The following DCHS2 variants were observed in gnomAD, a reference collection of about 807,000 sequenced individuals.
DCHS2 encodes dachsous cadherin-related 2, also known as protocadherin-23.
DCHS2 carries 142 observed loss-of-function variants against 182.4 expected under a neutral mutation model. The observed-to-expected ratio is 0.78, with a 90% CI of 0.68 to 0.89. The LOEUF is 0.89. Ranked by LOEUF, DCHS2 falls within the 40% of genes least tolerant of loss-of-function variation. The pLI is 0.00. For missense variants in DCHS2, 4,319 were observed against 4,198.6 expected, an observed-to-expected ratio of 1.03 and a Z score of -0.79; for synonymous variants, 1,740 against 1,663.3, an observed-to-expected ratio of 1.05 and a Z score of -1.12.
intron 1 of DCHS2, among the ~76,000 whole-genome samples, chr4:154,415,470 G>T (rs1230765223): frequency 6.6e-6 from 1 of 152,132 alleles, no homozygotes; most frequent in African/African-American, 2.4e-5. Context: ...TTACTTAGAG[G>T]CATTCCTACT....
chr4:154,404,979 G>A (rs961362747), intron 1 of DCHS2, among the ~76,000 whole-genome samples: 2 of 152,192 alleles, frequency 1.3e-5, no homozygotes, highest in African/African-American at 4.8e-5. Context: ...GGGCATGGTG[G>A]CTCATGCCTG....
chr4:154,391,803 G>A (rs1005395309), intron 1 of DCHS2, among the ~76,000 whole-genome samples: 9 of 152,188 alleles, frequency 5.9e-5, no homozygotes, highest in Non-Finnish European at 1.5e-5. Context: ...AGATGAAGGC[G>A]ATGGGCCACG....
intron 9 of DCHS2, among the ~76,000 whole-genome samples, chr4:154,317,015 C>T (rs534033334): frequency 2.6e-5 from 4 of 152,224 alleles, no homozygotes; most frequent in South Asian, 2.1e-4. Context: ...AAGAAGTTTA[C>T]GGAATTCTAT....
intron 14 of DCHS2, among the ~76,000 whole-genome samples, chr4:154,260,075 G>C (rs557434540): frequency 1.3e-5 from 2 of 152,232 alleles, no homozygotes; most frequent in Non-Finnish European, 2.9e-5. Context: ...ACCTGCCTTG[G>C]CCTCTGAAAG....
At chr4:154,463,781 A>T (rs1735122095) in intron 1 of DCHS2, among the ~76,000 whole-genome samples, 1 of 151,764 alleles carries the variant, frequency 6.6e-6, no homozygotes, top group South Asian at 2.1e-4. Flanking sequence ...GATACAATAC[A>T]ACAAATTTTT....
chr4:154,398,293 T>C (rs527644766), intron 1 of DCHS2, among the ~76,000 whole-genome samples: 3 of 152,374 alleles, frequency 2.0e-5, no homozygotes, highest in South Asian at 2.1e-4. Context: ...GGGTTCACCA[T>C]GTACAAACTT....
intron 16 of DCHS2, among the ~76,000 whole-genome samples, chr4:154,243,582 C>T (rs993153347): frequency 8.5e-5 from 13 of 152,128 alleles, no homozygotes; most frequent in Non-Finnish European, 1.5e-4. Flanking sequence ...GTATGGTAAT[C>T]AGCACATTTT....
chr4:154,409,194 C>A (rs1480262666), intron 1 of DCHS2, among the ~76,000 whole-genome samples: 4 of 152,110 alleles, frequency 2.6e-5, no homozygotes, highest in Non-Finnish European at 5.9e-5. Flanking sequence ...GCTGCTGAGT[C>A]CAGGGAGTGG....
intron 7 of DCHS2, among the ~76,000 whole-genome samples, chr4:154,323,689 GC>G (rs1736170217): frequency 6.6e-6 from 1 of 152,106 alleles, no homozygotes; most frequent in African/African-American, 2.4e-5. Flanking sequence ...CTGATGGATT[GC>G]AGTCAAAACA....
At chr4:154,461,876 G>A (rs541360719) in intron 1 of DCHS2, among the ~76,000 whole-genome samples, 1 of 152,290 alleles carries the variant, frequency 6.6e-6, no homozygotes, top group African/African-American at 2.4e-5. Flanking sequence ...TTTGCAAGAG[G>A]AAGACTTTCC....
At chr4:154,265,610 C>G (rs2111189308) in intron 14 of DCHS2, among the ~76,000 whole-genome samples, 1 of 152,202 alleles carries the variant, frequency 6.6e-6, no homozygotes, top group African/African-American at 2.4e-5. Flanking sequence ...GAGAACCTGT[C>G]TTTCTTTACG....
intron 13 of DCHS2, among the ~76,000 whole-genome samples, chr4:154,292,645 A>C (rs1734719815): frequency 6.6e-6 from 1 of 152,142 alleles, no homozygotes; most frequent in Admixed American, 6.5e-5. Context: ...TCTATATTTA[A>C]CACATGGACT....
intron 13 of DCHS2, among the ~76,000 whole-genome samples, chr4:154,277,841 GAC>G (rs1401566912): frequency 6.6e-6 from 1 of 152,074 alleles, no homozygotes; most frequent in Non-Finnish European, 1.5e-5. Flanking sequence ...AGGAGTTCAA[GAC>G]CAGCCTGGCC....
chr4:154,301,863 A>G (rs1735205114), intron 12 of DCHS2, among the ~76,000 whole-genome samples: 1 of 152,222 alleles, frequency 6.6e-6, no homozygotes, highest in African/African-American at 2.4e-5. Context: ...TCACTGGAAA[A>G]AAGGAACCCA....
intron 1 of DCHS2, among the ~76,000 whole-genome samples, chr4:154,397,750 C>G (rs1731994872): frequency 6.6e-6 from 1 of 152,150 alleles, no homozygotes; most frequent in Non-Finnish European, 1.5e-5. Flanking sequence ...CTTCCTGAGA[C>G]CCAGATTTCC....
rs778287596 is a variant in DCHS2 at position 154,255,573 on chromosome 4, C to A, written c.6887G>T (p.Ser2296Ile). The A allele has an allele frequency of 2.5e-5, 41 of 1,613,922 alleles. No individual in the cohort carries two copies. The highest frequency in any genetic ancestry group is 3.5e-5 in the Non-Finnish European group (41 of 1,179,964). Residue 2296 changes from serine to isoleucine, a missense_variant, in exon 16 of 20, where the codon AGT becomes ATT. Transcript: ENST00000357232. ...AATCGCTTTTGTTGTTATCACACCA[C>A]TCAGTGCATCAATCTGGAATGCTTC... ...QEEAFQIDAL[S>I]GVITTKAILD...
At chr4:154,389,533 T>TATATATATATATATATATATAC in intron 1 of DCHS2, among the ~76,000 whole-genome samples, 1 of 147,390 alleles carries the variant, frequency 6.8e-6, no homozygotes, top group Non-Finnish European at 1.5e-5. Flanking sequence ...TATATATATA[T>TATATATATATATATATATATAC]ATAACCTTTT....
intron 1 of DCHS2, among the ~76,000 whole-genome samples, chr4:154,379,721 T>C (rs1013084447): frequency 1.3e-5 from 2 of 152,196 alleles, no homozygotes; most frequent in Non-Finnish European, 2.9e-5. Flanking sequence ...TTCATCAATA[T>C]AATATACATG....
chr4:154,409,964 A>G (rs1417682413), intron 1 of DCHS2, among the ~76,000 whole-genome samples: 1 of 152,178 alleles, frequency 6.6e-6, no homozygotes, highest in Non-Finnish European at 1.5e-5. Context: ...TCTACTTGGA[A>G]CCAAAGTCAT....
Sources: gnomAD v4.1 joint callset for allele counts (sites outside exome capture counted in the v4.1 genomes callset) on GRCh38, gnomAD v4.1.1 for gene constraint, MANE v1.5 for transcripts, NCBI Gene and HGNC (gene_info 2026-07-23, HGNC 2026-07-21) for gene names.